The following RCC1L variants were observed in gnomAD, a reference collection of about 807,000 sequenced individuals.
RCC1L encodes the protein RCC1 like.
In RCC1L, 46 loss-of-function variants were observed where a neutral mutation model predicts 58.6. The observed-to-expected ratio is 0.79, with a 90% CI of 0.62 to 1.00. The LOEUF (loss-of-function observed/expected upper bound fraction) is 1.00. Ranked by LOEUF, RCC1L falls within the 50% of genes least tolerant of loss-of-function variation. The pLI is 0.00. For missense variants in RCC1L, 636 were observed against 623.6 expected (o/e 1.02, Z -0.21); for synonymous variants, 281 against 262.9 (o/e 1.07, Z -0.67).
chr7:75,057,355 A>G (rs1307560422), intron 8 of RCC1L, among the ~76,000 whole-genome samples, 174 bp downstream of exon 8: 1 of 152,180 alleles, frequency 6.6e-6, no homozygotes, highest in East Asian at 1.9e-4. Context: ...GGCCTCAAGC[A>G]ATCCTCCTGC....
At chr7:75,054,077 A>G (rs1400442801) in intron 9 of RCC1L, among the ~76,000 whole-genome samples, 1 of 152,034 alleles carries the variant, frequency 6.6e-6, no homozygotes, top group African/African-American at 2.4e-5. Flanking sequence ...TAATTTCTGT[A>G]TTTTTTGTAG....
intron 9 of RCC1L, among the ~76,000 whole-genome samples, chr7:75,054,720 T>C (rs939293043): frequency 1.4e-4 from 22 of 152,158 alleles, no homozygotes; most frequent in Non-Finnish European, 2.6e-4. Context: ...AGGCGGAGGT[T>C]GCAGTGAGCC....
Position 75,042,418 on chromosome 7 carries a change from G to A in RCC1L, c.*614C>T. 1 of 986,186 alleles carries A rather than the reference G, an allele frequency of 1.0e-6. No homozygotes were observed. The highest frequency in any genetic ancestry group is 1.2e-6 in the Non-Finnish European group (1 of 830,472). The allele number at this position is 986,186 out of a possible 1,614,324, so 61.1% of individuals were successfully genotyped here. ...CTTCTTAACTTTTCCAAGCCAGGCA[G>A]TGAGCGTGGTGGGAGGCTGGGGCTG... On this transcript the variant is annotated 3_prime_UTR_variant, in exon 11 of 11. Coordinates refer to ENST00000610322, the MANE Select transcript of RCC1L (RefSeq NM_030798.5).
chr7:75,030,222 C>G (rs1805263279), intron 10 of RCC1L, among the ~76,000 whole-genome samples: 1 of 152,302 alleles, frequency 6.6e-6, no homozygotes, highest in East Asian at 1.9e-4. Flanking sequence ...CACGTTTGTG[C>G]ATGTACCTGT....
chr7:75,063,368 G>A, intron 4 of RCC1L, 25 bp from the exon 5 acceptor site: 3 of 1,613,576 alleles, frequency 1.9e-6, no homozygotes, highest in South Asian at 1.1e-5. Context: ...AAATTGGGAA[G>A]AAGCAAGGGA....
chr7:75,046,742 T>G (rs949482393), intron 10 of RCC1L, among the ~76,000 whole-genome samples: 3 of 152,212 alleles, frequency 2.0e-5, no homozygotes, highest in Admixed American at 6.5e-5. Context: ...AGAACCATAT[T>G]TAGCCTTGGT....
At chr7:75,029,493 A>ATG (rs1805239441) in intron 10 of RCC1L, among the ~76,000 whole-genome samples, 1 of 150,248 alleles carries the variant, frequency 6.7e-6, no homozygotes, top group South Asian at 2.1e-4. Context: ...ACAGGCACCC[A>ATG]CCACCACGCT....
At chr7:75,040,041 C>T (rs1190667438), downstream of RCC1L, among the ~76,000 whole-genome samples, 1 of 152,108 alleles carries the variant, frequency 6.6e-6, no homozygotes, top group Non-Finnish European at 1.5e-5. Flanking sequence ...CAACCAGGAG[C>T]CCTCGTGACC....
At chr7:75,034,045 A>G (rs1448103711) in intron 10 of RCC1L, among the ~76,000 whole-genome samples, 12 of 152,314 alleles carry the variant, frequency 7.9e-5, no homozygotes, top group African/African-American at 2.6e-4. Context: ...ATGCACCGAA[A>G]GGGAATGTGT....
At position 75,044,670 on chromosome 7, in the gene RCC1L, C is replaced by A. The variant is rs1474122933; in HGVS notation, c.1318-1561G>T. Among the ~76,000 whole-genome samples the A allele has an allele frequency of 2.7e-5, 4 of 150,486 alleles. No homozygotes were observed. The East Asian group carries it at 5.9e-4, about 22-fold the overall frequency. ...CACCAGCTGCCCCAGTCCCCATCTGCCTCTGAACTGAAAACTACTTTTAAC... is the reference window on the plus strand; with the variant it reads ...CACCAGCTGCCCCAGTCCCCATCTGACTCTGAACTGAAAACTACTTTTAAC... On this transcript the variant is annotated intron_variant, in intron 10 of 10. Transcript: ENST00000610322.
At chr7:75,046,253 G>A (rs1180398755) in intron 10 of RCC1L, among the ~76,000 whole-genome samples, 3 of 152,206 alleles carry the variant, frequency 2.0e-5, no homozygotes, top group Admixed American at 1.3e-4. Context: ...CCAGTGAATC[G>A]CAAAGGCACG....
intron 4 of RCC1L, among the ~76,000 whole-genome samples, chr7:75,063,839 G>A (rs917328242): frequency 6.6e-6 from 1 of 152,072 alleles, no homozygotes; most frequent in Non-Finnish European, 1.5e-5. Context: ...AGAATCGCTT[G>A]AACTTGGGAG....
At chr7:75,038,173 G>C (rs1272711962), downstream of RCC1L, among the ~76,000 whole-genome samples, 3 of 152,196 alleles carry the variant, frequency 2.0e-5, no homozygotes, top group South Asian at 2.1e-4. Flanking sequence ...TCTCTGAAAG[G>C]GTCTGTCCCA....
chr7:75,070,156 G>C (rs587762631), intron 2 of RCC1L, among the ~76,000 whole-genome samples: 2 of 152,248 alleles, frequency 1.3e-5, no homozygotes, highest in South Asian at 4.1e-4. Context: ...TTGCCTGAGG[G>C]TTCAACATTG....
At chr7:75,031,546 C>T (rs1225573511) in intron 10 of RCC1L, among the ~76,000 whole-genome samples, 2 of 151,836 alleles carry the variant, frequency 1.3e-5, no homozygotes, top group African/African-American at 4.8e-5. Context: ...GGCTGGTGGC[C>T]GTCTGGTTTT....
chr7:75,073,476 C>A lies in RCC1L; in HGVS notation c.262G>T (p.Ala88Ser). The stretch of plus-strand genomic sequence containing the variant: ...ATCCTGCGGCGCGGTCGGGCGCCGG[C>A]GCGGGGCCCGGGCCCGGAGCTGGGC... Reference protein sequence around the residue: ...VVPSSGPGPRAGARPRRRIQP... With the variant: ...VVPSSGPGPRSGARPRRRIQP... The change falls in exon 1 of 11, where the codon GCC becomes TCC. Residue 88 changes from alanine (A) to serine (S), a missense_variant. By Grantham distance (99) the Ala-to-Ser change is moderately conservative. Transcript: ENST00000610322. The A allele has an allele frequency of 7.2e-7, 1 of 1,381,928 alleles. No homozygotes were observed. The allele number at this position is 1,381,928 out of a possible 1,614,324, so 85.6% of individuals were successfully genotyped here.
intron 5 of RCC1L, 52 bp downstream of exon 5, chr7:75,063,240 T>C: frequency 2.5e-6 from 4 of 1,611,148 alleles, no homozygotes; most frequent in South Asian, 1.1e-5. Flanking sequence ...ATCTCAACTT[T>C]TCAAAAGCAC....
At position 75,033,524 on chromosome 7, in the gene RCC1L, G is replaced by A. The variant is rs928582658; in HGVS notation, c.1318-5445C>T. ...AGCCTGGCCAAAATGGTGAATCCCCGTCTCTACTAAAAATATAAAAATTAG... is the reference window on the plus strand; with the variant it reads ...AGCCTGGCCAAAATGGTGAATCCCCATCTCTACTAAAAATATAAAAATTAG... On this transcript the variant is annotated intron_variant, in intron 10 of 10. Coordinates refer to the RCC1L transcript ENST00000614461. Among the ~76,000 whole-genome samples the A allele has an allele frequency of 1.3e-4, 20 of 151,900 alleles. No homozygotes were observed. In the South Asian group the frequency reaches 2.9e-3, roughly 22 times the overall value.
At chr7:75,072,161 C>CATACATATATATATATATATATAT (rs1554446238) in intron 1 of RCC1L, among the ~76,000 whole-genome samples, 1 of 46,366 alleles carries the variant, frequency 2.2e-5, no homozygotes, top group African/African-American at 5.8e-5. Context: ...TATACATATA[C>CATACATATATATATATATATATAT]ATATATATAT....
Sources: gnomAD v4.1 joint callset for allele counts (sites outside exome capture counted in the v4.1 genomes callset) on GRCh38, gnomAD v4.1.1 for gene constraint, MANE v1.5 for transcripts, NCBI Gene and HGNC (gene_info 2026-07-23, HGNC 2026-07-21) for gene names.